Variants in RABGAP1L observed in about 807,000 individuals in gnomAD.
RABGAP1L encodes the protein rab GTPase-activating protein 1-like.
In RABGAP1L, 63 loss-of-function variants were observed where a neutral mutation model predicts 137.7. The observed-to-expected ratio is 0.46, with a 90% confidence interval of 0.37 to 0.56. The LOEUF is 0.56. Among genes scored for constraint, RABGAP1L ranks in the 20% least tolerant of loss-of-function variants. The pLI is 0.00. For synonymous variants in RABGAP1L, 431 were observed against 433.7 expected (o/e 0.99, Z 0.08); for missense variants, 1,095 against 1,244.0 (o/e 0.88, Z 1.80).
chr1:174,807,224 G>T (rs1689395175), intron 18 of RABGAP1L, among the ~76,000 whole-genome samples: 2 of 152,218 alleles, frequency 1.3e-5, no homozygotes, highest in Non-Finnish European at 2.9e-5. Flanking sequence ...TATCTCTGTA[G>T]TCAGACCTTA....
Position 174,188,640 on chromosome 1 carries a change from T to C in RABGAP1L, c.-34+28983T>C, listed in dbSNP as rs79819826. 5.2e-4 allele frequency among the ~76,000 whole-genome samples: 79 copies of C among 152,366 alleles called. 1 individual carries two copies. The East Asian group carries it at 0.015, about 28-fold the overall frequency. ...ACACTTTTGTGTCTTCTCTTTTTCCTGTTTAGCTTGGTACTTTGCCGTTAG... is the reference window on the plus strand; with the variant it reads ...ACACTTTTGTGTCTTCTCTTTTTCCCGTTTAGCTTGGTACTTTGCCGTTAG... On this transcript the variant is annotated intron_variant, in intron 1 of 25. Transcript: ENST00000681986.
chr1:174,406,891 A>G (rs1323309804), intron 13 of RABGAP1L, among the ~76,000 whole-genome samples: 1 of 152,168 alleles, frequency 6.6e-6, no homozygotes, highest in Non-Finnish European at 1.5e-5. Flanking sequence ...CAAAACCCAC[A>G]ATTACTTTTG....
intron 13 of RABGAP1L, among the ~76,000 whole-genome samples, chr1:174,633,096 C>A (rs1297751603): frequency 6.6e-6 from 1 of 151,756 alleles, no homozygotes; most frequent in African/African-American, 2.4e-5. Flanking sequence ...TCAAATTGTC[C>A]CTGTTTGCAG....
At chr1:174,220,363 A>AAAAAAG (rs545346428) in intron 2 of RABGAP1L, among the ~76,000 whole-genome samples, 1 of 152,240 alleles carries the variant, frequency 6.6e-6, no homozygotes, top group East Asian at 1.9e-4. Context: ...GTGTGTTCCT[A>AAAAAAG]AAAAAGAAAA....
chr1:174,260,896 T>C (rs1673527488), intron 7 of RABGAP1L, among the ~76,000 whole-genome samples: 1 of 150,150 alleles, frequency 6.7e-6, no homozygotes, highest in African/African-American at 2.5e-5. Context: ...GTGCTCTGTC[T>C]AGTTGATTTT....
chr1:174,467,324 C>T (rs1190668458), intron 13 of RABGAP1L, among the ~76,000 whole-genome samples: 1 of 151,436 alleles, frequency 6.6e-6, no homozygotes, highest in Non-Finnish European at 1.5e-5. Context: ...TTTCAGGGGT[C>T]TACAGTTTCT....
rs1052846528 is a variant in RABGAP1L, at chr1:174,182,419, G to C, written c.-34+22762G>C. ...GTCTCTCCCACCCCTTCAATTCCTA[G>C]AAGACGAAATTGAGATTATCATAAA... On this transcript the variant is annotated intron_variant, in intron 1 of 25. Coordinates refer to ENST00000681986, the MANE Select transcript of RABGAP1L (RefSeq NM_001366446.1). Among the ~76,000 whole-genome samples, 18 of 152,128 alleles carry C rather than the reference G, an allele frequency of 1.2e-4. No homozygotes were observed. The South Asian group carries it at 1.2e-3, about 10-fold the overall frequency.
intron 1 of RABGAP1L, among the ~76,000 whole-genome samples, chr1:174,217,282 A>G (rs993991769): frequency 9.9e-5 from 15 of 152,198 alleles, no homozygotes; most frequent in African/African-American, 3.4e-4. Context: ...ATACGATAAG[A>G]CTTCCACATG....
intron 13 of RABGAP1L, among the ~76,000 whole-genome samples, chr1:174,536,759 G>T (rs2147914127): frequency 6.6e-6 from 1 of 152,206 alleles, no homozygotes; most frequent in East Asian, 1.9e-4. Context: ...ACATTAGGAA[G>T]GGAAATATTG....
chr1:174,746,932 C>G (rs925199597), intron 17 of RABGAP1L, among the ~76,000 whole-genome samples: 4 of 152,152 alleles, frequency 2.6e-5, no homozygotes, highest in African/African-American at 9.7e-5. Flanking sequence ...AGACCTTGTA[C>G]TATAAATGAT....
intron 13 of RABGAP1L, among the ~76,000 whole-genome samples, chr1:174,623,654 C>G (rs1201312205): frequency 6.6e-6 from 1 of 152,188 alleles, no homozygotes; most frequent in African/African-American, 2.4e-5. Context: ...TCACCCAATC[C>G]TTGTTGCCCA....
rs1011934566 is a variant in RABGAP1L at position 174,395,543 on chromosome 1, G to A, written c.1710+1398G>A. Among the ~76,000 whole-genome samples the A allele has an allele frequency of 3.3e-5, 5 of 151,984 alleles. No individual in the cohort carries two copies. The South Asian group carries it at 6.2e-4, about 19-fold the overall frequency. ...GTGATTTTTTTCATTGAAATAACAT[G>A]CATCACTATAAAAAACTCTTACATC... On this transcript the variant is annotated intron_variant, in intron 13 of 25. Coordinates refer to ENST00000681986, the MANE Select transcript of RABGAP1L (RefSeq NM_001366446.1).
chr1:174,238,782 G>A, intron 4 of RABGAP1L: 1 of 151,366 alleles, frequency 6.6e-6, no homozygotes, highest in East Asian at 1.9e-4. Flanking sequence ...TCCTTGAGCT[G>A]TGGTGGGCTC....
chr1:174,843,448 A>G (rs1363602087), intron 19 of RABGAP1L, among the ~76,000 whole-genome samples: 9 of 150,156 alleles, frequency 6.0e-5, no homozygotes, highest in East Asian at 5.9e-4. Context: ...TCATTGTTCA[A>G]TTCCCACCTA....
rs187933223 is a variant in RABGAP1L at position 174,647,754 on chromosome 1, A to G, written c.1824+10266A>G. 1.9e-3 allele frequency among the ~76,000 whole-genome samples: 296 copies of G among 152,026 alleles called. 2 individuals are homozygous for G. The highest frequency in any genetic ancestry group is 0.01 in the South Asian group (50 of 4,816). ...GTTAGGGAGGAGTCCCTCTTTTTCT[A>G]TTTTTGAAATAGTTTCAGAAGGAAT... On this transcript the variant is annotated intron_variant, in intron 14 of 25. Coordinates refer to ENST00000681986, the MANE Select transcript of RABGAP1L (RefSeq NM_001366446.1).
intron 13 of RABGAP1L, among the ~76,000 whole-genome samples, chr1:174,515,665 T>TA (rs1662760890): frequency 6.6e-6 from 1 of 152,090 alleles, no homozygotes; most frequent in Non-Finnish European, 1.5e-5. Flanking sequence ...ACAAGTTCCT[T>TA]AAGAACAGTG....
intron 13 of RABGAP1L, among the ~76,000 whole-genome samples, chr1:174,589,667 T>TTTCAA (rs1669400838): frequency 6.6e-6 from 1 of 152,226 alleles, no homozygotes; most frequent in African/African-American, 2.4e-5. Flanking sequence ...AGTTTCATTC[T>TTTCAA]TCTGCATATG....
At chr1:174,480,034 G>T (rs1484920400) in intron 13 of RABGAP1L, among the ~76,000 whole-genome samples, 1 of 152,100 alleles carries the variant, frequency 6.6e-6, no homozygotes, top group Non-Finnish European at 1.5e-5. Flanking sequence ...CTAGTGAGTT[G>T]TTTGTCATTT....
At chr1:174,229,908 C>T (rs1336575738) in intron 3 of RABGAP1L, among the ~76,000 whole-genome samples, 2 of 152,148 alleles carry the variant, frequency 1.3e-5, no homozygotes, top group African/African-American at 4.8e-5. Flanking sequence ...TCCTATTTCT[C>T]CACATCCTCT....
Sources: gnomAD v4.1 joint callset for allele counts (sites outside exome capture counted in the v4.1 genomes callset) on GRCh38, gnomAD v4.1.1 for gene constraint, MANE v1.5 for transcripts, NCBI Gene and HGNC (gene_info 2026-07-23, HGNC 2026-07-21) for gene names.